Variants in CWC22 observed in about 807,000 individuals in gnomAD.
CWC22 encodes the protein CWC22 spliceosome associated protein, also known as pre-mRNA-splicing factor CWC22 homolog.
In CWC22, 53 loss-of-function variants were observed where a neutral mutation model predicts 117.2. The ratio of observed to expected loss-of-function variants is 0.45; its 90% CI spans 0.36 to 0.57. The LOEUF (loss-of-function observed/expected upper bound fraction) is 0.57, where lower values mean the gene tolerates loss of function less well. Among genes scored for constraint, CWC22 ranks in the 20% least tolerant of loss-of-function variants. The pLI, the probability that CWC22 is intolerant of heterozygous loss-of-function variation, is 0.00. For missense variants in CWC22, 980 were observed against 1,068.8 expected (o/e 0.92, Z 1.16); for synonymous variants, 360 against 355.6 (o/e 1.01, Z -0.14).
chr2:179,978,436 C>T (rs560107417), intron 5 of CWC22, 118 bp from the exon 6 acceptor site: 12 of 1,098,680 alleles, frequency 1.1e-5, no homozygotes, highest in Non-Finnish European at 1.4e-5. Context: ...GAAACGACCC[C>T]CAAGTACAGT....
intron 1 of CWC22, among the ~76,000 whole-genome samples, chr2:179,999,608 T>C (rs1335162745): frequency 2.0e-5 from 3 of 152,166 alleles, no homozygotes; most frequent in African/African-American, 4.8e-5. Context: ...GCTTTCCAGA[T>C]GATTTCCGTA....
chr2:179,994,979 G>A (rs1028119922), intron 1 of CWC22, among the ~76,000 whole-genome samples: 1 of 152,162 alleles, frequency 6.6e-6, no homozygotes, highest in Non-Finnish European at 1.5e-5. Context: ...TTAGCCAGGC[G>A]TGGTGGCGGG....
intron 11 of CWC22, among the ~76,000 whole-genome samples, chr2:179,967,229 T>A (rs895070964): frequency 6.6e-6 from 1 of 152,234 alleles, no homozygotes; most frequent in Non-Finnish European, 1.5e-5. Flanking sequence ...GCCATTTTTT[T>A]ATGCCAGCTC....
rs1023066296 is a variant in CWC22, at chr2:179,952,672, G to A, written c.1690-74C>T. 5 of 780,082 alleles carry A rather than the reference G, an allele frequency of 6.4e-6. No individual in the cohort carries two copies. In the South Asian group the frequency reaches 1.1e-4, roughly 17 times the overall value. The allele number at this position is 780,082 out of a possible 1,614,324, so 48.3% of individuals were successfully genotyped here. A position where few individuals can be genotyped will look rare whatever the true frequency, so the allele number is the denominator to read the frequency against. On this transcript the variant is annotated intron_variant, in intron 16 of 19. Transcript: ENST00000410053. The stretch of plus-strand genomic sequence containing the variant: ...CAGGACATAGTGACCAATATTTGTA[G>A]GTTTAAGTGTTTCTCAAAATTACTA...
chr2:179,994,480 C>T (rs573118742), intron 1 of CWC22, among the ~76,000 whole-genome samples: 4 of 152,260 alleles, frequency 2.6e-5, no homozygotes, highest in African/African-American at 9.6e-5. Context: ...TAAGGACACC[C>T]TGTTAAGTAT....
intron 17 of CWC22, 32 bp from the exon 18 acceptor site, chr2:179,950,958 A>C (rs1177832907): frequency 2.2e-5 from 29 of 1,295,746 alleles, no homozygotes; most frequent in Non-Finnish European, 2.8e-5. Flanking sequence ...AAAAGAGAAC[A>C]CATTGCTTAA....
intron 14 of CWC22, among the ~76,000 whole-genome samples, chr2:179,957,295 A>C (rs903502933): frequency 2.0e-5 from 3 of 152,166 alleles, no homozygotes; most frequent in Non-Finnish European, 2.9e-5. Flanking sequence ...GAAAAAAAGG[A>C]ATCTTTTACA....
intron 2 of CWC22, among the ~76,000 whole-genome samples, chr2:179,991,425 T>A (rs1224103901): frequency 6.6e-6 from 1 of 152,064 alleles, no homozygotes; most frequent in African/African-American, 2.4e-5. Flanking sequence ...CCATTGTGGC[T>A]AACAGAAAAG....
intron 1 of CWC22, among the ~76,000 whole-genome samples, chr2:179,994,846 T>A (rs956053669): frequency 2.0e-5 from 3 of 152,212 alleles, no homozygotes; most frequent in African/African-American, 7.2e-5. Context: ...CTTTTCTTTA[T>A]GTATCTTTTT....
At chr2:179,983,839 A>T (rs1206889225) in intron 4 of CWC22, among the ~76,000 whole-genome samples, 4 of 152,154 alleles carry the variant, frequency 2.6e-5, no homozygotes, top group African/African-American at 9.7e-5. Context: ...TCTTGTGAAT[A>T]TACATGTTCC....
chr2:180,006,438 G>A (rs989496761), intron 1 of CWC22, among the ~76,000 whole-genome samples: 1 of 152,208 alleles, frequency 6.6e-6, no homozygotes, highest in Non-Finnish European at 1.5e-5. Context: ...GATAGTTCAA[G>A]TTATGGAAGG....
chr2:179,951,817 A>C (rs1036640088), intron 17 of CWC22, among the ~76,000 whole-genome samples: 1 of 152,142 alleles, frequency 6.6e-6, no homozygotes, highest in African/African-American at 2.4e-5. Flanking sequence ...GCTGAGGAGA[A>C]GACTGAGAGA....
intron 11 of CWC22, 42 bp from the exon 12 acceptor site, chr2:179,966,024 C>A (rs1046229507): frequency 8.4e-6 from 12 of 1,431,356 alleles, no homozygotes; most frequent in South Asian, 1.2e-5. Context: ...ATGTGCAAGT[C>A]ATATACATGT....
intron 11 of CWC22, 22 bp from the exon 12 acceptor site, chr2:179,966,004 T>C (rs1381515814): frequency 1.3e-6 from 2 of 1,585,642 alleles, no homozygotes; most frequent in East Asian, 4.5e-5. Context: ...AAAGTAAGTT[T>C]AGGAAAAAAA....
chr2:180,005,589 CAAAACAA>C (rs1204654908), intron 1 of CWC22, among the ~76,000 whole-genome samples: 5 of 151,568 alleles, frequency 3.3e-5, no homozygotes, highest in Non-Finnish European at 5.9e-5. Flanking sequence ...CAAAACAAAA[CAAAACAA>C]AAAACAAAAA....
At chr2:179,950,455 T>C (rs1285253247) in intron 19 of CWC22, 57 bp downstream of exon 19, 1 of 1,037,406 alleles carries the variant, frequency 9.6e-7, no homozygotes, top group Non-Finnish European at 1.4e-6. Context: ...CCTTCATATA[T>C]ATCAGCAACA....
At chr2:179,949,350 C>T (rs68023449) in intron 19 of CWC22, among the ~76,000 whole-genome samples, 22,243 of 152,060 alleles carry the variant, frequency 0.15, 2,008 homozygotes, top group Admixed American at 0.29. Context: ...AACAACTTAA[C>T]TAAAAAAAAT....
chr2:180,005,130 G>C (rs1391487494), intron 1 of CWC22, among the ~76,000 whole-genome samples: 1 of 152,028 alleles, frequency 6.6e-6, no homozygotes, highest in Non-Finnish European at 1.5e-5. Context: ...CAAGCTTCAA[G>C]GAGATGATGC....
chr2:179,992,136 G>A (rs772194256), intron 2 of CWC22, among the ~76,000 whole-genome samples: 1 of 152,196 alleles, frequency 6.6e-6, no homozygotes, highest in Non-Finnish European at 1.5e-5. Context: ...GAAGGGAGGA[G>A]TGCCTACATT....
Sources: allele counts gnomAD v4.1 joint callset (sites outside exome capture counted in the v4.1 genomes callset), GRCh38; gene constraint gnomAD v4.1.1; transcripts MANE v1.5; gene names NCBI Gene and HGNC (gene_info 2026-07-23, HGNC 2026-07-21).